FAM234A: variants seen among roughly 807,000 people sequenced by gnomAD.
FAM234A encodes protein FAM234A.
In FAM234A, 42 loss-of-function variants were observed where a neutral mutation model predicts 49.1. The ratio of observed to expected loss-of-function variants is 0.86; its 90% CI spans 0.67 to 1.11. The LOEUF (loss-of-function observed/expected upper bound fraction) is 1.11. Among genes scored for constraint, FAM234A ranks in the 50% least tolerant of loss-of-function variants. FAM234A has a pLI of 0.00. For synonymous variants in FAM234A, 369 were observed against 316.2 expected (o/e 1.17, Z -1.77); for missense variants, 815 against 745.2 (o/e 1.09, Z -1.09).
chr16:261,124 G>T, intron 5 of FAM234A: 1 of 397,862 alleles, frequency 2.5e-6, no homozygotes, highest in South Asian at 3.1e-5. Flanking sequence ...CAGGAATGAG[G>T]CTGTCAGCGT....
chr16:241,044 C>T (rs908378943), intron 1 of FAM234A, among the ~76,000 whole-genome samples: 1 of 151,970 alleles, frequency 6.6e-6, no homozygotes, highest in Non-Finnish European at 1.5e-5. Flanking sequence ...CTCAGTCTCT[C>T]GCACAGCTGG....
intron 3 of FAM234A, among the ~76,000 whole-genome samples, chr16:257,861 T>G (rs1161299048): frequency 1.3e-5 from 2 of 151,832 alleles, no homozygotes; most frequent in Non-Finnish European, 2.9e-5. Flanking sequence ...CTTTTTTTTT[T>G]GTTTGTTTGT....
chr16:248,874 G>A (rs1449586911), intron 1 of FAM234A, among the ~76,000 whole-genome samples: 1 of 151,896 alleles, frequency 6.6e-6, no homozygotes, highest in East Asian at 1.9e-4. Context: ...ACCTGCCTCA[G>A]TCCCCCAAAG....
At chr16:254,301 G>A (rs2051139109) in intron 2 of FAM234A, 80 bp from the exon 3 acceptor site, 4 of 1,212,596 alleles carry the variant, frequency 3.3e-6, no homozygotes, top group South Asian at 1.5e-5. Context: ...CCAAGAAGCC[G>A]ACGCCAGCAG....
chr16:241,796 A>G (rs2050625826), intron 1 of FAM234A, among the ~76,000 whole-genome samples: 1 of 148,764 alleles, frequency 6.7e-6, no homozygotes, highest in South Asian at 2.2e-4. Flanking sequence ...GGGCACCTGT[A>G]GTCCCAGCTA....
At chr16:246,699 G>A (rs1351714708) in intron 1 of FAM234A, among the ~76,000 whole-genome samples, 2 of 150,920 alleles carry the variant, frequency 1.3e-5, no homozygotes, top group African/African-American at 4.9e-5. Flanking sequence ...TATTACAGGC[G>A]TGAGCCACCA....
chr16:265,085 G>A lies in FAM234A; in HGVS notation c.*63G>A. On this transcript the variant is annotated 3_prime_UTR_variant, in exon 13 of 13. Transcript: ENST00000399932. ...GCTGACACTAAACGTCCTGGGAAGT[G>A]GGCCCTTCCCTGGGTCTCTGCACTG... The A allele has an allele frequency of 6.5e-7, 1 of 1,530,900 alleles. No individual in the cohort carries two copies. The highest frequency in any genetic ancestry group is 8.8e-7 in the Non-Finnish European group (1 of 1,139,620). 94.8% of individuals were successfully genotyped at this position (1,530,900 alleles called of 1,614,324 possible).
downstream of FAM234A, chr16:269,523 G>A: frequency 6.2e-7 from 1 of 1,613,266 alleles, no homozygotes; most frequent in Non-Finnish European, 8.5e-7. Context: ...TCTCCAGCGG[G>A]ATCCCAGCCT....
In FAM234A at chr16:244,955, G is replaced by A. The variant is rs574785553; in HGVS notation, c.-139-4594G>A. 4.0e-5 allele frequency among the ~76,000 whole-genome samples: 6 copies of A among 151,430 alleles called. No homozygotes were observed. The South Asian group carries it at 8.4e-4, about 21-fold the overall frequency. On this transcript the variant is annotated intron_variant, in intron 1 of 12. Transcript: ENST00000399932. ...GATCTGCCCGCCTCAGCCTCCCAAC[G>A]TGCTGGGATTACAGGCATGAGCCAT...
At chr16:242,510 T>C (rs188421471) in intron 1 of FAM234A, among the ~76,000 whole-genome samples, 1 of 151,902 alleles carries the variant, frequency 6.6e-6, no homozygotes, top group Admixed American at 6.6e-5. Flanking sequence ...CACCGCGGGC[T>C]TACTGATAGT....
In FAM234A at chr16:263,685, T is replaced by C. The variant is rs2051574903; in HGVS notation, c.1113-15T>C. The C allele has an allele frequency of 1.9e-6, 3 of 1,607,736 alleles. No homozygotes were observed. Among genetic ancestry groups the C allele is most frequent in the Non-Finnish European group, 2.6e-6 (3 of 1,174,312 alleles). On this transcript the variant is annotated splice_polypyrimidine_tract_variant and intron_variant, in intron 9 of 12. Transcript: ENST00000399932. Reference sequence around the variant, plus strand: ...ACTGAGACCCCTCGTGAGCGCTTCCTCCATATTGTTCCAGAAAACCCATCT... The same window carrying C: ...ACTGAGACCCCTCGTGAGCGCTTCCCCCATATTGTTCCAGAAAACCCATCT...
At chr16:261,579 T>TCC in intron 6 of FAM234A, 65 bp downstream of exon 6, 1 of 1,503,852 alleles carries the variant, frequency 6.6e-7, no homozygotes, top group South Asian at 1.2e-5. Context: ...CTGCTCTACC[T>TCC]CCCCATCTGC....
chr16:251,687 T>TTTG (rs1247684156), intron 2 of FAM234A, among the ~76,000 whole-genome samples: 3,044 of 139,356 alleles, frequency 0.022, 179 homozygotes, highest in African/African-American at 0.085. Context: ...AGGTTTTTTT[T>TTTG]TTTTTTTTTT....
chr16:263,909 A>C, intron 10 of FAM234A, 107 bp from the exon 11 acceptor site: 3 of 1,428,742 alleles, frequency 2.1e-6, no homozygotes, highest in Non-Finnish European at 2.9e-6. Context: ...CCCTCAGAGC[A>C]TCTGCCTCCA....
intron 1 of FAM234A, among the ~76,000 whole-genome samples, chr16:247,285 A>G (rs986995440): frequency 2.0e-5 from 3 of 150,212 alleles, no homozygotes; most frequent in African/African-American, 7.4e-5. Flanking sequence ...GTGTGCCACC[A>G]CACCGGGCTG....
At chr16:269,856 C>T, downstream of FAM234A, 3 of 414,582 alleles carry the variant, frequency 7.2e-6, no homozygotes, top group South Asian at 1.1e-4. Flanking sequence ...CCTCCTCAGC[C>T]ATTAGCGGGA....
downstream of FAM234A, chr16:268,702 G>A (rs368091910): frequency 1.4e-6 from 2 of 1,467,602 alleles, no homozygotes; most frequent in African/African-American, 1.4e-5. Context: ...TGGCGAGGGA[G>A]GAATAGGCGC....
chr16:251,027 G>A (rs1449306410), intron 2 of FAM234A, among the ~76,000 whole-genome samples: 1 of 152,112 alleles, frequency 6.6e-6, no homozygotes, highest in East Asian at 1.9e-4. Flanking sequence ...TGCAATCTTG[G>A]CTCACTGCAA....
chr16:259,941 AGTGAGGTGCCG>A lies in FAM234A; in HGVS notation c.386-24_386-14del. The A allele has an allele frequency of 6.2e-7, 1 of 1,603,504 alleles. No individual in the cohort carries two copies. The highest frequency in any genetic ancestry group is 8.5e-7 in the Non-Finnish European group (1 of 1,174,026). On this transcript the variant is annotated splice_polypyrimidine_tract_variant and intron_variant, in intron 4 of 12. Coordinates refer to ENST00000399932, the MANE Select transcript of FAM234A (RefSeq NM_032039.4). ...GGCCTGCCTGCCCAGATGGTGCAAC[AGTGAGGTGCCG>A]GTGTCTCTCCCTACAGGCTTTTCCT...
Sources: gnomAD v4.1 joint callset for allele counts (sites outside exome capture counted in the v4.1 genomes callset) on GRCh38, gnomAD v4.1.1 for gene constraint, MANE v1.5 for transcripts, NCBI Gene and HGNC (gene_info 2026-07-23, HGNC 2026-07-21) for gene names.